PROK2: variants seen among roughly 807,000 people sequenced by gnomAD.
PROK2 encodes prokineticin-2.
PROK2 carries 8 observed loss-of-function variants against 14.2 expected under a neutral mutation model. That is an observed-to-expected ratio of 0.56 (90% confidence interval 0.33 to 1.02). The LOEUF is 1.02. Ranked by LOEUF, PROK2 falls within the 50% of genes least tolerant of loss-of-function variation. The pLI is 0.03. For missense variants in PROK2, 154 were observed against 160.4 expected (o/e 0.96, Z 0.22); for synonymous variants, 59 against 60.7 (o/e 0.97, Z 0.13).
chr3:71,784,989 G>A lies in PROK2; in HGVS notation c.64C>T (p.Pro22Ser). ...ATCACGGCGGCGTCCCCAGCGCGGG[G>A]CGTGAGCAGCAGCGGCGGCAGCAGC... is the stretch of plus-strand genomic sequence containing the variant. ...LLLLPPLLLTPRAGDAAVITG... is the reference protein window; with the variant it reads ...LLLLPPLLLTSRAGDAAVITG... The change falls in exon 1 of 4, where the codon CCC becomes TCC. Residue 22 changes from proline (P) to serine (S), a missense_variant. Pro to Ser is a moderately conservative substitution (Grantham distance 74, BLOSUM62 -1). Coordinates refer to ENST00000295619, the MANE Select transcript of PROK2 (RefSeq NM_001126128.2). The A allele has an allele frequency of 8.0e-7, 1 of 1,249,428 alleles. No homozygotes were observed. Among genetic ancestry groups the A allele is most frequent in the Non-Finnish European group, 1.0e-6 (1 of 994,476 alleles). The allele number at this position is 1,249,428 out of a possible 1,614,324, so 77.4% of individuals were successfully genotyped here.
rs773749489 is a variant in PROK2 at position 71,772,718 on chromosome 3, G to C, written c.*6C>G. 1.1e-5 allele frequency: 18 copies of C among 1,611,382 alleles called. 1 individual carries two copies. The South Asian group carries it at 1.9e-4, about 17-fold the overall frequency. On this transcript the variant is annotated 3_prime_UTR_variant, in exon 4 of 4. Transcript: ENST00000295619. ...CTATTCACATTTGGTTTCTACTCCA[G>C]AGCGATTACTTTTGGGCTAAACAAA...
At chr3:71,783,699 G>C (rs1285638366) in intron 1 of PROK2, among the ~76,000 whole-genome samples, 2 of 152,130 alleles carry the variant, frequency 1.3e-5, no homozygotes, top group African/African-American at 4.8e-5. Context: ...CAGGAGAAGA[G>C]GGAGAAAAAA....
chr3:71,781,537 C>T lies in PROK2; in HGVS notation c.152G>A (p.Trp51Ter), dbSNP rs2050160402. ...TGTGCAAATCCTTATGCTCTTGACCCAGATACTGACAGCACAGCACATGCC... is the reference window on the plus strand; with the variant it reads ...TGTGCAAATCCTTATGCTCTTGACCTAGATACTGACAGCACAGCACATGCC... ...GGGMCCAVSI[W>*]VKSIRICTPM... is the part of the protein sequence containing the mutation. Residue 51 changes from tryptophan to a stop codon, truncating the protein, a stop_gained, in exon 2 of 4, where the codon TGG (tryptophan) becomes TAG (stop). Coordinates refer to ENST00000295619, the MANE Select transcript of PROK2 (RefSeq NM_001126128.2). LOFTEE classifies it high-confidence loss of function. The T allele has an allele frequency of 3.1e-6, 5 of 1,612,926 alleles. No homozygotes were observed. The highest frequency in any genetic ancestry group is 4.2e-6 in the Non-Finnish European group (5 of 1,178,964).
chr3:71,772,693 C>T lies in PROK2; in HGVS notation c.*31G>A. On this transcript the variant is annotated 3_prime_UTR_variant, in exon 4 of 4. Coordinates refer to ENST00000295619, the MANE Select transcript of PROK2 (RefSeq NM_001126128.2). ...GTAAGACTTTACAGGTAAGATGTGGCTATTCACATTTGGTTTCTACTCCAG... is the reference window on the plus strand; with the variant it reads ...GTAAGACTTTACAGGTAAGATGTGGTTATTCACATTTGGTTTCTACTCCAG... The T allele has an allele frequency of 6.4e-7, 1 of 1,564,698 alleles. No homozygotes were observed. Among genetic ancestry groups the T allele is most frequent in the Admixed American group, 1.7e-5 (1 of 59,942 alleles).
At chr3:71,775,792 C>T (rs1239464023) in intron 2 of PROK2, among the ~76,000 whole-genome samples, 1 of 152,192 alleles carries the variant, frequency 6.6e-6, no homozygotes, top group Non-Finnish European at 1.5e-5. Context: ...GGGACCATAT[C>T]CATTTTACTC....
intron 2 of PROK2, among the ~76,000 whole-genome samples, chr3:71,776,632 C>A (rs1016339342): frequency 6.6e-6 from 1 of 152,092 alleles, no homozygotes; most frequent in Non-Finnish European, 1.5e-5. Context: ...CCCATCTTGG[C>A]CTCCCAAAGT....
intron 2 of PROK2, among the ~76,000 whole-genome samples, chr3:71,779,339 C>T (rs182178777): frequency 6.6e-6 from 1 of 152,230 alleles, no homozygotes. Context: ...AGTTGAGTGT[C>T]TCTTGTTTAC....
chr3:71,781,727 G>T, intron 1 of PROK2, 135 bp from the exon 2 acceptor site: 2 of 978,406 alleles, frequency 2.0e-6, no homozygotes, highest in Non-Finnish European at 3.1e-6. Flanking sequence ...TTTTTTAAAT[G>T]ATAACCTTCA....
chr3:71,783,807 A>G (rs970644604), intron 1 of PROK2, among the ~76,000 whole-genome samples: 8 of 152,198 alleles, frequency 5.3e-5, no homozygotes, highest in Admixed American at 2.6e-4. Context: ...TTTTTTGAAA[A>G]AATCTCTTTT....
chr3:71,778,477 A>T (rs897587884), intron 2 of PROK2, among the ~76,000 whole-genome samples: 1 of 152,206 alleles, frequency 6.6e-6, no homozygotes, highest in Non-Finnish European at 1.5e-5. Context: ...CGGTAGCTAT[A>T]AACTCCTATC....
At chr3:71,777,788 C>T (rs987379490) in intron 2 of PROK2, among the ~76,000 whole-genome samples, 3 of 151,104 alleles carry the variant, frequency 2.0e-5, no homozygotes, top group Non-Finnish European at 4.4e-5. Context: ...AAGGAAATGG[C>T]TAATCTTCTA....
chr3:71,780,563 G>A (rs768844684), intron 2 of PROK2, among the ~76,000 whole-genome samples: 10 of 152,194 alleles, frequency 6.6e-5, no homozygotes, highest in Non-Finnish European at 1.0e-4. Context: ...ACCTGCCCTA[G>A]GACTTGTTGC....
chr3:71,772,937 G>T (rs778971984), intron 3 of PROK2, 109 bp from the exon 4 acceptor site: 1 of 863,394 alleles, frequency 1.2e-6, no homozygotes. Flanking sequence ...TTTACTGAGC[G>T]TTAACTACCC....
chr3:71,783,472 T>C (rs563057860), intron 1 of PROK2, among the ~76,000 whole-genome samples: 28 of 152,186 alleles, frequency 1.8e-4, no homozygotes, highest in Non-Finnish European at 4.0e-4. Context: ...TGTGATAAAA[T>C]TTTATTTTGT....
chr3:71,773,276 G>A (rs1034262540), intron 3 of PROK2, among the ~76,000 whole-genome samples: 6 of 152,050 alleles, frequency 3.9e-5, no homozygotes, highest in African/African-American at 1.4e-4. Context: ...TACCATACCC[G>A]GCCTGCTCAG....
intron 2 of PROK2, among the ~76,000 whole-genome samples, chr3:71,778,851 A>T (rs1414075433): frequency 2.6e-5 from 4 of 152,246 alleles, no homozygotes; most frequent in Admixed American, 2.6e-4. Context: ...ATGTATTTGA[A>T]GATAAAAAAG....
intron 1 of PROK2, among the ~76,000 whole-genome samples, chr3:71,782,357 T>C (rs899202630): frequency 1.3e-5 from 2 of 152,176 alleles, no homozygotes; most frequent in Non-Finnish European, 2.9e-5. Context: ...AATTAAGAAA[T>C]GCAAGTAACA....
chr3:71,780,228 C>G (rs539584733), intron 2 of PROK2, among the ~76,000 whole-genome samples: 13 of 152,306 alleles, frequency 8.5e-5, no homozygotes, highest in Admixed American at 2.6e-4. Flanking sequence ...ACAGGAAAGC[C>G]AAAAGCAAAT....
At position 71,785,097 on chromosome 3, in the gene PROK2, G is replaced by A. The variant is rs1416408715; in HGVS notation, c.-45C>T. ...GGCCGCCGGAGGCAGTTGGGGGCGC[G>A]GGGCCCGGGTGCGCTGGGTGGAGCG... On this transcript the variant is annotated 5_prime_UTR_variant, in exon 1 of 4. Transcript: ENST00000295619. 6 of 1,177,010 alleles carry A rather than the reference G, an allele frequency of 5.1e-6. No homozygotes were observed. The highest frequency in any genetic ancestry group is 6.4e-6 in the Non-Finnish European group (6 of 937,986). The allele number at this position is 1,177,010 out of a possible 1,614,324, so 72.9% of individuals were successfully genotyped here. A position where few individuals can be genotyped will look rare whatever the true frequency, so the allele number is the denominator to read the frequency against.
Sources: gnomAD v4.1 joint callset for allele counts (sites outside exome capture counted in the v4.1 genomes callset) on GRCh38, gnomAD v4.1.1 for gene constraint, MANE v1.5 for transcripts, NCBI Gene and HGNC (gene_info 2026-07-23, HGNC 2026-07-21) for gene names.